The following VOPP1 variants were observed in gnomAD, a reference collection of about 807,000 sequenced individuals.
VOPP1 encodes VOPP1 WW domain binding protein.
In VOPP1, 8 loss-of-function variants were observed where a neutral mutation model predicts 23.5. That is an observed-to-expected ratio of 0.34 (90% CI 0.20 to 0.61). The LOEUF (loss-of-function observed/expected upper bound fraction) is 0.61, where lower values mean the gene tolerates loss of function less well. VOPP1 is among the 20% of genes least tolerant of loss of function. VOPP1 has a pLI of 0.78. For synonymous variants in VOPP1, 83 were observed against 97.3 expected (o/e 0.85, Z 0.86); for missense variants, 174 against 238.1 (o/e 0.73, Z 1.77).
intron 1 of VOPP1, among the ~76,000 whole-genome samples, chr7:55,533,076 A>G (rs1009126612): frequency 6.6e-6 from 1 of 152,150 alleles, no homozygotes; most frequent in South Asian, 2.1e-4. Context: ...CTAAGCTAAA[A>G]CCAGGAGGAC....
At chr7:55,533,873 C>T (rs1202276635) in intron 1 of VOPP1, among the ~76,000 whole-genome samples, 1 of 152,092 alleles carries the variant, frequency 6.6e-6, no homozygotes, top group African/African-American at 2.4e-5. Flanking sequence ...TTTCTCGTAC[C>T]CAGTGTGTGG....
At chr7:55,511,027 T>C (rs200526083) in intron 2 of VOPP1, among the ~76,000 whole-genome samples, 1 of 152,218 alleles carries the variant, frequency 6.6e-6, no homozygotes, top group South Asian at 2.1e-4. Flanking sequence ...ACACCAGACA[T>C]GACCTTGAGA....
intron 4 of VOPP1, among the ~76,000 whole-genome samples, chr7:55,438,631 G>A (rs539442332): frequency 1.6e-4 from 25 of 152,318 alleles, no homozygotes; most frequent in Middle Eastern, 3.4e-3. Context: ...CTTCTCACTC[G>A]CTGCAGAATC....
At chr7:55,533,194 T>C (rs1302990916) in intron 1 of VOPP1, among the ~76,000 whole-genome samples, 1 of 152,178 alleles carries the variant, frequency 6.6e-6, no homozygotes, top group Non-Finnish European at 1.5e-5. Context: ...GAGTGCCTCC[T>C]AAAAGCTGGT....
rs1312838631 is a variant in VOPP1, at chr7:55,471,076, T to C, written c.*1779A>G. On this transcript the variant is annotated 3_prime_UTR_variant, in exon 5 of 5. Transcript: ENST00000285279. The stretch of plus-strand genomic sequence containing the variant: ...ATTCCAGGGGCAGCTTAGTGTGCTT[T>C]TTCATTACAAAAAATAAAGACATTA... The C allele has an allele frequency of 6.6e-6, 1 of 150,538 alleles. No homozygotes were observed. The highest frequency in any genetic ancestry group is 2.4e-5 in the African/African-American group (1 of 40,928). 9.3% of individuals were successfully genotyped at this position (150,538 alleles called of 1,614,324 possible).
intron 4 of VOPP1, among the ~76,000 whole-genome samples, chr7:55,459,144 T>A (rs553033574): frequency 3.3e-5 from 5 of 152,234 alleles, no homozygotes; most frequent in South Asian, 4.1e-4. Context: ...AATCATAAAG[T>A]TTTTTCCTTC....
chr7:55,538,384 A>G (rs1796933523), intron 1 of VOPP1, among the ~76,000 whole-genome samples: 1 of 152,278 alleles, frequency 6.6e-6, no homozygotes, highest in East Asian at 1.9e-4. Flanking sequence ...TATATCCAAC[A>G]TCTTATTCAG....
intron 4 of VOPP1, among the ~76,000 whole-genome samples, chr7:55,460,066 T>C (rs572894248): frequency 0.055 from 1,830 of 33,432 alleles, 13 homozygotes; most frequent in Admixed American, 0.099. Context: ...GTTGCATTTC[T>C]ATTTTCATAT....
At chr7:55,490,704 C>T (rs190598024) in intron 4 of VOPP1, among the ~76,000 whole-genome samples, 2 of 152,292 alleles carry the variant, frequency 1.3e-5, no homozygotes, top group East Asian at 3.9e-4. Flanking sequence ...TTGCACTTTA[C>T]CCTATGATGC....
chr7:55,477,031 C>T (rs815961), intron 4 of VOPP1, among the ~76,000 whole-genome samples: 46,757 of 152,030 alleles, frequency 0.31, 7,915 homozygotes, highest in East Asian at 0.52. Flanking sequence ...ACCGTGTCTC[C>T]TGGAATGCCT....
chr7:55,506,015 A>T (rs911979141), intron 2 of VOPP1, among the ~76,000 whole-genome samples: 2 of 152,162 alleles, frequency 1.3e-5, no homozygotes, highest in African/African-American at 4.8e-5. Context: ...GGCAAACCCA[A>T]ATTAATTTCA....
chr7:55,523,009 C>A (rs545194183), intron 1 of VOPP1, among the ~76,000 whole-genome samples: 30 of 152,174 alleles, frequency 2.0e-4, no homozygotes, highest in Non-Finnish European at 3.8e-4. Flanking sequence ...ATGAGGAATA[C>A]CACTTCACAA....
intron 4 of VOPP1, among the ~76,000 whole-genome samples, chr7:55,444,348 T>C (rs890422003): frequency 2.6e-5 from 4 of 152,184 alleles, no homozygotes; most frequent in African/African-American, 7.2e-5. Context: ...AGGAAGGACA[T>C]GAATTTTGAG....
intron 2 of VOPP1, among the ~76,000 whole-genome samples, chr7:55,513,467 G>A (rs1158214835): frequency 6.6e-6 from 1 of 152,062 alleles, no homozygotes; most frequent in African/African-American, 2.4e-5. Context: ...GTTGACTTCC[G>A]AGAAGCTTCC....
exon 5 of VOPP1, chr7:55,436,107 C>T (rs1191800844): frequency 3.9e-5 from 6 of 152,348 alleles, no homozygotes; most frequent in African/African-American, 1.4e-4. Context: ...TCAGCTCAGC[C>T]TTGCAGTGTG....
rs1796662875 is a variant in VOPP1, at chr7:55,534,383, G to A, written c.55-13253C>T. Among the ~76,000 whole-genome samples, 3 of 152,170 alleles carry A rather than the reference G, an allele frequency of 2.0e-5. No individual in the cohort carries two copies. The South Asian group carries it at 6.2e-4, about 31-fold the overall frequency. On this transcript the variant is annotated intron_variant, in intron 1 of 4. Transcript: ENST00000285279. Reference sequence around the variant, plus strand: ...GTCCTGTCATGGTCACCTGTGGCTTGGGCCAATTCTCACTTCCCCTGAAGG... The same window carrying A: ...GTCCTGTCATGGTCACCTGTGGCTTAGGCCAATTCTCACTTCCCCTGAAGG...
intron 2 of VOPP1, among the ~76,000 whole-genome samples, chr7:55,512,468 G>A (rs901823108): frequency 1.3e-5 from 2 of 152,008 alleles, no homozygotes; most frequent in African/African-American, 4.8e-5. Context: ...ACATTTTAGG[G>A]GTCTAAAGTT....
intron 2 of VOPP1, among the ~76,000 whole-genome samples, chr7:55,516,923 T>C (rs1795461447): frequency 2.2e-4 from 9 of 41,602 alleles, no homozygotes; most frequent in African/African-American, 1.0e-3. Flanking sequence ...TATATATATA[T>C]ATATATATAT....
intron 1 of VOPP1, among the ~76,000 whole-genome samples, chr7:55,539,031 T>TAA (rs1339891537): frequency 1.3e-5 from 1 of 75,782 alleles, no homozygotes; most frequent in African/African-American, 5.9e-5. Flanking sequence ...TTCATTCCTT[T>TAA]AAAAAAAAAG....
Sources: gnomAD v4.1 joint callset for allele counts (sites outside exome capture counted in the v4.1 genomes callset) on GRCh38, gnomAD v4.1.1 for gene constraint, MANE v1.5 for transcripts, NCBI Gene and HGNC (gene_info 2026-07-23, HGNC 2026-07-21) for gene names.